ERC2: variants seen among roughly 807,000 people sequenced by gnomAD.
ERC2 encodes the protein ERC protein 2.
In ERC2, 42 loss-of-function variants were observed where a neutral mutation model predicts 114.8. That is an observed-to-expected ratio of 0.37 (90% CI 0.29 to 0.47). ERC2 has a LOEUF of 0.47. Ranked by LOEUF, ERC2 falls within the 20% of genes least tolerant of loss-of-function variation. The pLI is 0.99. For synonymous variants in ERC2, 454 were observed against 425.5 expected (o/e 1.07, Z -0.82); for missense variants, 939 against 1,150.7 (o/e 0.82, Z 2.66).
intron 14 of ERC2, among the ~76,000 whole-genome samples, chr3:55,840,945 A>C (rs2061105681): frequency 6.6e-6 from 1 of 152,146 alleles, no homozygotes; most frequent in Admixed American, 6.5e-5. Flanking sequence ...GCTTGCCTAA[A>C]GATAGAGATA....
intron 3 of ERC2, among the ~76,000 whole-genome samples, chr3:56,190,609 A>T (rs536391867): frequency 1.3e-5 from 2 of 152,042 alleles, no homozygotes; most frequent in Admixed American, 1.3e-4. Flanking sequence ...CTAACTTTTT[A>T]AAATTTTTTT....
intron 6 of ERC2, among the ~76,000 whole-genome samples, chr3:56,112,435 AC>A: frequency 3.7e-4 from 2 of 5,466 alleles, no homozygotes; most frequent in Non-Finnish European, 4.6e-4. Flanking sequence ...ACAGACAGAC[AC>A]ACACACACAC....
intron 14 of ERC2, among the ~76,000 whole-genome samples, chr3:55,866,294 A>C (rs145705302): frequency 2.6e-4 from 40 of 152,298 alleles, no homozygotes; most frequent in African/African-American, 9.4e-4. Flanking sequence ...CCCATTATAA[A>C]ATAAGGTTAT....
At chr3:55,811,745 G>T (rs773582131) in intron 14 of ERC2, among the ~76,000 whole-genome samples, 1 of 152,006 alleles carries the variant, frequency 6.6e-6, no homozygotes, top group Non-Finnish European at 1.5e-5. Flanking sequence ...CACCCCCAAG[G>T]CCTGTGTTAC....
intron 13 of ERC2, among the ~76,000 whole-genome samples, chr3:55,948,697 C>T (rs1275119335): frequency 6.6e-6 from 1 of 152,076 alleles, no homozygotes; most frequent in Non-Finnish European, 1.5e-5. Flanking sequence ...TATTGCTATA[C>T]AAAAGTTCAT....
chr3:55,877,253 A>T (rs2062894215), intron 14 of ERC2, among the ~76,000 whole-genome samples: 1 of 152,110 alleles, frequency 6.6e-6, no homozygotes. Flanking sequence ...GATGACCAAA[A>T]ATGTCTCCAG....
At chr3:55,791,318 G>A (rs967254111) in intron 14 of ERC2, among the ~76,000 whole-genome samples, 2 of 152,096 alleles carry the variant, frequency 1.3e-5, no homozygotes, top group East Asian at 1.9e-4. Flanking sequence ...GTTTTTAAAA[G>A]TCCAGAAATA....
In ERC2 at chr3:56,007,324, G is replaced by T. The variant is rs1242983692; in HGVS notation, c.1921-3C>A. ...TCTTTGAGGTCAATTAAACTAGACT[G>T]AAAGAGAAAGAATGTGAGTGAGTAA... is the stretch of plus-strand genomic sequence containing the variant. On this transcript the variant is annotated splice_polypyrimidine_tract_variant and splice_region_variant and intron_variant, in intron 9 of 17. Coordinates refer to ENST00000288221, the MANE Select transcript of ERC2 (RefSeq NM_015576.3). 2 of 1,592,560 alleles carry T rather than the reference G, an allele frequency of 1.3e-6. No homozygotes were observed. Among genetic ancestry groups the T allele is most frequent in the South Asian group, 2.3e-5 (2 of 87,256 alleles).
intron 3 of ERC2, among the ~76,000 whole-genome samples, chr3:56,295,270 T>C (rs2055354776): frequency 6.6e-6 from 1 of 152,230 alleles, no homozygotes; most frequent in Non-Finnish European, 1.5e-5. Context: ...ATGATACTTT[T>C]AAGGTCCATA....
At chr3:56,399,131 T>C (rs1301669450) in intron 2 of ERC2, among the ~76,000 whole-genome samples, 1 of 152,226 alleles carries the variant, frequency 6.6e-6, no homozygotes, top group Non-Finnish European at 1.5e-5. Flanking sequence ...AACATCATGC[T>C]ATTCATGCCA....
chr3:56,204,502 T>TTTTATTTTATTTTATTTTAC (rs1351138613), intron 3 of ERC2, among the ~76,000 whole-genome samples: 3 of 150,214 alleles, frequency 2.0e-5, no homozygotes, highest in African/African-American at 7.3e-5. Flanking sequence ...TTTTATTTTA[T>TTTTATTTTATTTTATTTTAC]TTTATTTTAT....
chr3:56,392,255 C>T (rs2060154917), intron 2 of ERC2, among the ~76,000 whole-genome samples: 1 of 152,198 alleles, frequency 6.6e-6, no homozygotes, highest in Non-Finnish European at 1.5e-5. Context: ...ACAACAGTTT[C>T]ATTTTCTTTA....
chr3:55,902,503 C>T (rs1038468554), intron 13 of ERC2, among the ~76,000 whole-genome samples: 7 of 152,156 alleles, frequency 4.6e-5, no homozygotes, highest in Admixed American at 1.3e-4. Context: ...ACGTACAAAG[C>T]GGCTGGTAAG....
At chr3:56,086,230 G>A (rs1054144645) in intron 6 of ERC2, among the ~76,000 whole-genome samples, 7 of 152,130 alleles carry the variant, frequency 4.6e-5, no homozygotes, top group African/African-American at 1.7e-4. Context: ...GCCCAGAAGA[G>A]ATAAAAAACA....
chr3:55,952,168 C>CTATAT (rs1218868491), intron 12 of ERC2, among the ~76,000 whole-genome samples: 2 of 70,386 alleles, frequency 2.8e-5, no homozygotes, highest in East Asian at 3.5e-4. Flanking sequence ...CACACACACA[C>CTATAT]ACACACACAC....
chr3:55,864,096 G>A (rs1460471620), intron 14 of ERC2, among the ~76,000 whole-genome samples: 1 of 68,834 alleles, frequency 1.5e-5, no homozygotes, highest in East Asian at 9.2e-4. Flanking sequence ...ATCAGCAGCA[G>A]GTATATATAT....
intron 17 of ERC2, among the ~76,000 whole-genome samples, chr3:55,666,926 A>G (rs986566044): frequency 1.8e-5 from 1 of 55,834 alleles, no homozygotes; most frequent in Non-Finnish European, 3.6e-5. Flanking sequence ...GCACACGCCT[A>G]TTAATATACA....
intron 12 of ERC2, among the ~76,000 whole-genome samples, chr3:55,974,868 T>C (rs2069460056): frequency 1.3e-5 from 2 of 152,192 alleles, no homozygotes; most frequent in African/African-American, 2.4e-5. Context: ...ACTTCCATTA[T>C]AAGAGGTTTT....
intron 16 of ERC2, among the ~76,000 whole-genome samples, chr3:55,690,144 T>G (rs747923123): frequency 2.2e-4 from 34 of 152,176 alleles, no homozygotes; most frequent in Admixed American, 1.2e-3. Flanking sequence ...GATGCCCAAA[T>G]CCGAATTTTT....
Sources: allele counts gnomAD v4.1 joint callset (sites outside exome capture counted in the v4.1 genomes callset), GRCh38; gene constraint gnomAD v4.1.1; transcripts MANE v1.5; gene names NCBI Gene and HGNC (gene_info 2026-07-23, HGNC 2026-07-21).